The following PLVAP variants were observed in gnomAD, a reference collection of about 807,000 sequenced individuals.
PLVAP encodes plasmalemma vesicle associated protein, also known as plasmalemma vesicle-associated protein.
In PLVAP, 34 loss-of-function variants were observed where a neutral mutation model predicts 43.1. The ratio of observed to expected loss-of-function variants is 0.79; its 90% CI spans 0.60 to 1.05. PLVAP has a LOEUF of 1.05. PLVAP is among the 50% of genes least tolerant of loss of function. The pLI is 0.00. For missense variants in PLVAP, 574 were observed against 593.4 expected, an observed-to-expected ratio of 0.97 and a Z score of 0.34; for synonymous variants, 241 against 237.3, an observed-to-expected ratio of 1.02 and a Z score of -0.14.
Position 17,377,163 on chromosome 19 carries a change from C to T in PLVAP, c.126G>A (p.Gly42=), listed in dbSNP as rs770628029. The T allele has an allele frequency of 6.2e-7, 1 of 1,614,060 alleles. No homozygotes were observed. The stretch of plus-strand genomic sequence containing the variant: ...TGCCATAGACCATGAAGAGCACGAG[C>T]CCCAGGATGATGAGGAATTGGATGA... ...VSLIQFLIIL[G]LVLFMVYGNV... The change falls in exon 1 of 6, where the codon GGG becomes GGA. Residue 42 remains glycine (G), a synonymous_variant. Coordinates refer to ENST00000252590, the MANE Select transcript of PLVAP (RefSeq NM_031310.3).
rs781259802 is a variant in PLVAP at position 17,365,887 on chromosome 19, G to A, written c.578C>T (p.Ala193Val). The A allele has an allele frequency of 5.7e-5, 92 of 1,613,888 alleles. 1 individual carries two copies. The highest frequency in any genetic ancestry group is 1.9e-4 in the African/African-American group (14 of 74,896). Residue 193 changes from alanine (A) to valine (V), a missense_variant, in exon 3 of 6, where the codon GCG (alanine) becomes GTG (valine). Physicochemically the swap from Ala to Val is moderately conservative, Grantham distance 64. Transcript: ENST00000252590. ...KESVLLNKRV[A>V]EEQLVECVKT... Reference sequence around the variant, plus strand: ...CACGCATTCAACCAGCTGTTCCTCCGCCACGCGTTTGTTCAGCAGCACGCT... The same window carrying A: ...CACGCATTCAACCAGCTGTTCCTCCACCACGCGTTTGTTCAGCAGCACGCT...
At chr19:17,360,699 A>T in intron 4 of PLVAP, 73 bp downstream of exon 4, 1 of 1,579,754 alleles carries the variant, frequency 6.3e-7, no homozygotes, top group Admixed American at 1.7e-5. Flanking sequence ...GGGGAGTGGG[A>T]AAGTGGGGCT....
At chr19:17,359,516 C>T (rs898238403) in intron 5 of PLVAP, among the ~76,000 whole-genome samples, 1 of 151,764 alleles carries the variant, frequency 6.6e-6, no homozygotes, top group African/African-American at 2.4e-5. Flanking sequence ...AGTGATTCTC[C>T]TGCCTCAGTC....
intron 1 of PLVAP, among the ~76,000 whole-genome samples, chr19:17,370,445 C>T (rs1240171311): frequency 6.6e-6 from 1 of 152,156 alleles, no homozygotes; most frequent in African/African-American, 2.4e-5. Flanking sequence ...ATACATAGAA[C>T]ATGATTCAGC....
chr19:17,376,806 A>G (rs1290382536), intron 1 of PLVAP, 114 bp downstream of exon 1: 2 of 1,078,570 alleles, frequency 1.9e-6, no homozygotes, highest in Non-Finnish European at 2.6e-6. Context: ...TCATAAGAAA[A>G]GAGAGCATTG....
At chr19:17,358,193 C>T (rs928092789) in intron 5 of PLVAP, among the ~76,000 whole-genome samples, 4 of 151,050 alleles carry the variant, frequency 2.6e-5, no homozygotes, top group Non-Finnish European at 5.9e-5. Context: ...CCAGACAGAG[C>T]CATCTAGAGC....
intron 1 of PLVAP, among the ~76,000 whole-genome samples, chr19:17,367,934 A>G (rs531693999): frequency 6.6e-6 from 1 of 151,240 alleles, no homozygotes; most frequent in East Asian, 2.0e-4. Flanking sequence ...GTCTCGCTCT[A>G]TCACCCAGGC....
At chr19:17,359,865 A>AT (rs1468361202) in intron 5 of PLVAP, among the ~76,000 whole-genome samples, 2 of 151,690 alleles carry the variant, frequency 1.3e-5, no homozygotes, top group Non-Finnish European at 2.9e-5. Context: ...GCTGAGACTC[A>AT]TTTTCTAGAA....
rs147299275 is a variant in PLVAP at position 17,365,589 on chromosome 19, C to A, written c.876G>T (p.Ala292=). The change falls in exon 3 of 6, where the codon GCG becomes GCT. Residue 292 remains alanine, a synonymous_variant. Coordinates refer to ENST00000252590, the MANE Select transcript of PLVAP (RefSeq NM_031310.3). ...TCTCGCGGGCCACGCGTTCGATATC[C>A]GCCCGGAGGCTCCGGGCCAGCTCCT... ...KVEELARSLR[A]DIERVARENS... 3 of 1,612,754 alleles carry A rather than the reference C, an allele frequency of 1.9e-6. No individual in the cohort carries two copies. The highest frequency in any genetic ancestry group is 2.5e-6 in the Non-Finnish European group (3 of 1,180,042).
chr19:17,367,389 AT>A (rs34624440), intron 1 of PLVAP, among the ~76,000 whole-genome samples: 1,594 of 143,950 alleles, frequency 0.011, 10 homozygotes, highest in Non-Finnish European at 0.016. Context: ...TGATTTTTAA[AT>A]TTTTTTTTTT....
chr19:17,369,560 G>A (rs1448804454), intron 1 of PLVAP, among the ~76,000 whole-genome samples: 1 of 150,344 alleles, frequency 6.7e-6, no homozygotes, highest in African/African-American at 2.4e-5. Context: ...GCTTGAATCC[G>A]GGAGGCGGAG....
chr19:17,366,969 G>T (rs2074553000), intron 1 of PLVAP, among the ~76,000 whole-genome samples: 3 of 126,818 alleles, frequency 2.4e-5, no homozygotes. Flanking sequence ...TTTAGACAGG[G>T]TCTCACTTTG....
At chr19:17,357,261 T>C (rs900461793) in intron 5 of PLVAP, among the ~76,000 whole-genome samples, 5 of 151,862 alleles carry the variant, frequency 3.3e-5, no homozygotes, top group African/African-American at 9.7e-5. Context: ...GCCACTGCAC[T>C]CCTGCCTAGG....
At chr19:17,360,260 C>A (rs1215170754) in intron 5 of PLVAP, among the ~76,000 whole-genome samples, 2 of 152,150 alleles carry the variant, frequency 1.3e-5, no homozygotes, top group Non-Finnish European at 2.9e-5. Flanking sequence ...GTGGGGCTCC[C>A]AGTAGGTGCC....
intron 5 of PLVAP, among the ~76,000 whole-genome samples, chr19:17,359,813 C>T (rs2074521117): frequency 6.6e-6 from 1 of 152,008 alleles, no homozygotes; most frequent in Non-Finnish European, 1.5e-5. Flanking sequence ...CTGCCTCAGC[C>T]TCCTGAGTAG....
intron 5 of PLVAP, among the ~76,000 whole-genome samples, chr19:17,354,596 CAAAA>C (rs33950167): frequency 5.8e-4 from 50 of 85,532 alleles, no homozygotes; most frequent in East Asian, 2.7e-3. Flanking sequence ...GACTCTGTCT[CAAAA>C]AAAAAAAAAA....
intron 4 of PLVAP, 51 bp from the exon 5 acceptor site, chr19:17,360,660 C>T (rs2074524362): frequency 6.3e-7 from 1 of 1,588,810 alleles, no homozygotes; most frequent in East Asian, 2.2e-5. Context: ...TTGCCCCTGC[C>T]CCTGGGCTAG....
At chr19:17,366,225 A>G in intron 1 of PLVAP, 30 bp from the exon 2 acceptor site, 1 of 1,610,300 alleles carries the variant, frequency 6.2e-7, no homozygotes, top group South Asian at 1.1e-5. Context: ...AGGACGCAGG[A>G]CAGAGCTTAG....
At chr19:17,374,046 C>T (rs1162656707) in intron 1 of PLVAP, among the ~76,000 whole-genome samples, 1 of 152,148 alleles carries the variant, frequency 6.6e-6, no homozygotes, top group East Asian at 1.9e-4. Context: ...CCTGCAATCC[C>T]AGCTACTCGG....
Sources: gnomAD v4.1 joint callset for allele counts (sites outside exome capture counted in the v4.1 genomes callset) on GRCh38, gnomAD v4.1.1 for gene constraint, MANE v1.5 for transcripts, NCBI Gene and HGNC (gene_info 2026-07-23, HGNC 2026-07-21) for gene names.